ASB7: variants seen among roughly 807,000 people sequenced by gnomAD.
ASB7 encodes the protein ankyrin repeat and SOCS box protein 7.
Under a neutral mutation model 32.5 loss-of-function variants are expected in ASB7, and 4 were observed. That is an observed-to-expected ratio of 0.12 (90% CI 0.06 to 0.28). The LOEUF is 0.28. ASB7 is among the 10% of genes least tolerant of loss of function. The pLI is 1.00. For missense variants in ASB7, 181 were observed against 407.1 expected, an observed-to-expected ratio of 0.44 and a Z score of 4.78; for synonymous variants, 172 against 155.6, an observed-to-expected ratio of 1.11 and a Z score of -0.78.
At chr15:100,637,924 G>A (rs183994920) in intron 5 of ASB7, among the ~76,000 whole-genome samples, 5 of 148,796 alleles carry the variant, frequency 3.4e-5, no homozygotes, top group South Asian at 2.1e-4. Context: ...TGCTGTTCTC[G>A]CAAAAATCCT....
At chr15:100,612,478 G>C in intron 4 of ASB7, 51 bp downstream of exon 4, 1 of 1,500,156 alleles carries the variant, frequency 6.7e-7, no homozygotes, top group Non-Finnish European at 9.3e-7. Flanking sequence ...CATAAATGAT[G>C]TTTAGTTTAA....
intron 5 of ASB7, among the ~76,000 whole-genome samples, chr15:100,643,897 G>A (rs956556018): frequency 7.9e-5 from 12 of 152,124 alleles, no homozygotes; most frequent in African/African-American, 2.4e-4. Context: ...ATACACATAC[G>A]TCAACTCTTT....
intron 4 of ASB7, among the ~76,000 whole-genome samples, chr15:100,616,183 T>C (rs1208163699): frequency 6.6e-6 from 1 of 152,216 alleles, no homozygotes; most frequent in East Asian, 1.9e-4. Flanking sequence ...TCTTTTTTTT[T>C]CTTGGAAAAA....
intron 2 of ASB7, among the ~76,000 whole-genome samples, 185 bp downstream of exon 2, chr15:100,603,498 C>T (rs1260101294): frequency 7.2e-6 from 1 of 139,054 alleles, no homozygotes; most frequent in Admixed American, 8.0e-5. Context: ...TATAACTTCT[C>T]TACCCAGGAC....
chr15:100,640,783 T>G (rs2039955680), intron 5 of ASB7, among the ~76,000 whole-genome samples: 1 of 152,216 alleles, frequency 6.6e-6, no homozygotes. Context: ...GGGAGGTGAT[T>G]TAGGATATTT....
Position 100,629,642 on chromosome 15 carries a change from C to T in ASB7, c.417C>T (p.Phe139=). The T allele has an allele frequency of 6.2e-7, 1 of 1,614,180 alleles. No individual in the cohort carries two copies. The part of the protein sequence containing the change: ...RDSFVRLLLE[F]KAEVDPLSDK... Reference sequence around the variant, plus strand: ...CATTTGTCCGGCTCCTCCTGGAGTTCAAGGCTGAGGTTGACCCACTCAGTG... The same window carrying T: ...CATTTGTCCGGCTCCTCCTGGAGTTTAAGGCTGAGGTTGACCCACTCAGTG... The change falls in exon 5 of 6, where the codon TTC becomes TTT. Residue 139 remains phenylalanine (F), a synonymous_variant. Transcript: ENST00000332783. The surrounding 1 kb of genome is among the most constrained non-coding windows in gnomAD (Gnocchi z 6.8).
chr15:100,645,898 A>T (rs905901924), intron 5 of ASB7: 12 of 717,912 alleles, frequency 1.7e-5, no homozygotes, highest in African/African-American at 1.6e-4. Context: ...CACTGAGGAG[A>T]TTGCTTCCTT....
At chr15:100,607,133 T>C (rs1294928837) in intron 2 of ASB7, among the ~76,000 whole-genome samples, 2 of 149,532 alleles carry the variant, frequency 1.3e-5, no homozygotes, top group East Asian at 1.9e-4. Context: ...AGCCTGGCAA[T>C]AGAGCGAGCC....
At position 100,648,444 on chromosome 15, in the gene ASB7, C is replaced by CA; in HGVS notation, c.942dup (p.Phe315IlefsTer2). On this transcript the variant is annotated frameshift_variant, in exon 6 of 6. Transcript: ENST00000332783. LOFTEE classifies it high-confidence loss of function. ...AGGTCATGAAAGACTACTTAAAACACAAATTTGATGATATCTGATATGCCA... is the reference window on the plus strand; with the variant it reads ...AGGTCATGAAAGACTACTTAAAACACAAAATTTGATGATATCTGATATGCCA... The CA allele has an allele frequency of 2.5e-6, 4 of 1,607,652 alleles. No individual in the cohort carries two copies. The highest frequency in any genetic ancestry group is 2.6e-6 in the Non-Finnish European group (3 of 1,175,334).
chr15:100,610,642 C>T (rs1233843929), intron 3 of ASB7, among the ~76,000 whole-genome samples: 1 of 152,150 alleles, frequency 6.6e-6, no homozygotes, highest in Non-Finnish European at 1.5e-5. Flanking sequence ...TATAAAACAA[C>T]ATAGGATATT....
Position 100,624,107 on chromosome 15 carries a change from G to A in ASB7, c.212-5330G>A, listed in dbSNP as rs548684653. Among the ~76,000 whole-genome samples, 4 of 152,314 alleles carry A rather than the reference G, an allele frequency of 2.6e-5. No homozygotes were observed. In the East Asian group the frequency reaches 7.7e-4, roughly 29 times the overall value. On this transcript the variant is annotated intron_variant, in intron 4 of 5. Coordinates refer to ENST00000332783, the MANE Select transcript of ASB7 (RefSeq NM_198243.3). The stretch of plus-strand genomic sequence containing the variant: ...CTCATGTGGAAGCTAAAAAAAGTTG[G>A]CCTCTCGATAGTAGAGAATAGAAGA...
In ASB7 at chr15:100,611,163, A is replaced by G. The variant is rs141250627; in HGVS notation, c.-51-1003A>G. 4.0e-3 allele frequency among the ~76,000 whole-genome samples: 608 copies of G among 151,748 alleles called. 2 individuals carry two copies. The highest frequency in any genetic ancestry group is 0.014 in the African/African-American group (566 of 41,368). Reference sequence around the variant, plus strand: ...AAGCTCAAGTGATCCTCCTGCTTCTACCTGCCGAGTAGCTGGGACTACAGG... The same window carrying G: ...AAGCTCAAGTGATCCTCCTGCTTCTGCCTGCCGAGTAGCTGGGACTACAGG... On this transcript the variant is annotated intron_variant, in intron 3 of 5. Transcript: ENST00000332783.
intron 5 of ASB7, among the ~76,000 whole-genome samples, chr15:100,639,778 A>G (rs2039948357): frequency 6.6e-6 from 1 of 152,250 alleles, no homozygotes; most frequent in Non-Finnish European, 1.5e-5. Context: ...GTCAAATTGC[A>G]TCACATTTTA....
intron 3 of ASB7, among the ~76,000 whole-genome samples, chr15:100,610,486 C>T (rs1016049373): frequency 3.6e-5 from 5 of 137,764 alleles, no homozygotes; most frequent in South Asian, 4.5e-4. Context: ...CAGAGCAAGA[C>T]TCCGTCTCAA....
At position 100,635,582 on chromosome 15, in the gene ASB7, G is replaced by T. The variant is rs1410265092; in HGVS notation, c.817+5540G>T. 4.6e-5 allele frequency among the ~76,000 whole-genome samples: 7 copies of T among 152,280 alleles called. No individual in the cohort carries two copies. In the East Asian group the frequency reaches 1.3e-3, roughly 29 times the overall value. The stretch of plus-strand genomic sequence containing the variant: ...TTTCTGTCCCGTGTCTTGGCTTTGG[G>T]CTTCCCTAAGCAGCCTCGTTGGAGA... On this transcript the variant is annotated intron_variant, in intron 5 of 5. Transcript: ENST00000332783.
At chr15:100,621,775 A>G (rs928270209) in intron 4 of ASB7, among the ~76,000 whole-genome samples, 10 of 152,122 alleles carry the variant, frequency 6.6e-5, no homozygotes, top group African/African-American at 2.4e-4. Context: ...AAATGGGCAA[A>G]TGATAGAGAA....
intron 5 of ASB7, among the ~76,000 whole-genome samples, chr15:100,640,528 G>A (rs954913304): frequency 2.0e-5 from 3 of 152,182 alleles, no homozygotes; most frequent in African/African-American, 4.8e-5. Flanking sequence ...GATGGAGAGA[G>A]TCTGGAAGTT....
At chr15:100,636,979 G>A (rs2039927773) in intron 5 of ASB7, among the ~76,000 whole-genome samples, 1 of 152,188 alleles carries the variant, frequency 6.6e-6, no homozygotes, top group Non-Finnish European at 1.5e-5. Context: ...GCCCCAGCCG[G>A]TACTGGTCGT....
intron 5 of ASB7, chr15:100,645,504 C>T: frequency 4.8e-6 from 3 of 627,506 alleles, no homozygotes; most frequent in Non-Finnish European, 6.1e-6. Flanking sequence ...GTCTAGTCTG[C>T]TCTCAGAACT....
Sources: gnomAD v4.1 joint callset for allele counts (sites outside exome capture counted in the v4.1 genomes callset) on GRCh38, gnomAD v4.1.1 for gene constraint, Gnocchi (gnomAD v3.1) non-coding constraint, MANE v1.5 for transcripts, NCBI Gene and HGNC (gene_info 2026-07-23, HGNC 2026-07-21) for gene names.